TENM2: variants seen among roughly 807,000 people sequenced by gnomAD.
TENM2 encodes teneurin-2.
TENM2 carries 52 observed loss-of-function variants against 245.2 expected under a neutral mutation model. That is an observed-to-expected ratio of 0.21 (90% CI 0.17 to 0.27). The LOEUF (loss-of-function observed/expected upper bound fraction) is 0.27. Among genes scored for constraint, TENM2 ranks in the 10% least tolerant of loss-of-function variants. The pLI, the probability that TENM2 is intolerant of heterozygous loss-of-function variation, is 1.00. For missense variants in TENM2, 3,046 were observed against 3,666.8 expected (o/e 0.83, Z 4.37); for synonymous variants, 1,363 against 1,438.9 (o/e 0.95, Z 1.19).
intron 2 of TENM2, among the ~76,000 whole-genome samples, chr5:167,500,521 G>A (rs1056187498): frequency 2.0e-5 from 3 of 152,228 alleles, no homozygotes; most frequent in Middle Eastern, 6.8e-3. Context: ...GAACCAAGGT[G>A]ACCTAGATTA....
the TENM2 span, among the ~76,000 whole-genome samples, chr5:167,025,064 AG>A: frequency 6.6e-6 from 1 of 152,316 alleles, no homozygotes; most frequent in Non-Finnish European, 1.5e-5. Flanking sequence ...TCTAAGGTAC[AG>A]GTGATGTTGA....
At chr5:167,005,353 C>T in the TENM2 span, among the ~76,000 whole-genome samples, 10 of 152,134 alleles carry the variant, frequency 6.6e-5, no homozygotes, top group African/African-American at 2.4e-4. Flanking sequence ...CAAGGGAGTG[C>T]CACTTTTTGA....
At chr5:167,466,968 A>G (rs1766698578) in intron 2 of TENM2, among the ~76,000 whole-genome samples, 1 of 152,212 alleles carries the variant, frequency 6.6e-6, no homozygotes, top group African/African-American at 2.4e-5. Context: ...GGCATGCAGC[A>G]TACAACGAAA....
In TENM2 at chr5:167,629,156, C is replaced by T. The variant is rs150191103; in HGVS notation, c.503-246830C>T. ...ATAGCATATGTGTGGTAGAACAAGACGTTGAACCAGGTCAAAAGGTTTAGT... is the reference window on the plus strand; with the variant it reads ...ATAGCATATGTGTGGTAGAACAAGATGTTGAACCAGGTCAAAAGGTTTAGT... On this transcript the variant is annotated intron_variant, in intron 2 of 28. Coordinates refer to ENST00000518659, the Ensembl canonical transcript of TENM2. Among the ~76,000 whole-genome samples, 22 of 152,270 alleles carry T rather than the reference C, an allele frequency of 1.4e-4. No individual in the cohort carries two copies. The East Asian group carries it at 3.9e-3, about 27-fold the overall frequency.
chr5:167,479,829 A>G (rs1442713003), intron 2 of TENM2, among the ~76,000 whole-genome samples: 1 of 152,222 alleles, frequency 6.6e-6, no homozygotes, highest in East Asian at 1.9e-4. Flanking sequence ...GGTGAAATGC[A>G]AAATTTAAAG....
At chr5:167,276,352 T>TTGTGTGTGTG in the TENM2 span, among the ~76,000 whole-genome samples, 4 of 34,196 alleles carry the variant, frequency 1.2e-4, no homozygotes, top group Admixed American at 1.4e-3. Context: ...CCTGTTCATT[T>TTGTGTGTGTG]TGTGTGTGTG....
intron 2 of TENM2, among the ~76,000 whole-genome samples, chr5:167,393,875 G>T (rs1761907031): frequency 6.6e-6 from 1 of 152,150 alleles, no homozygotes; most frequent in African/African-American, 2.4e-5. Context: ...TATTTTGAAG[G>T]TAAAGGTAGG....
At chr5:167,459,820 A>G (rs1264522618) in intron 2 of TENM2, among the ~76,000 whole-genome samples, 1 of 152,148 alleles carries the variant, frequency 6.6e-6, no homozygotes, top group African/African-American at 2.4e-5. Context: ...AATTTCCTAA[A>G]TATTTGCTTA....
At position 168,181,992 on chromosome 5, in the gene TENM2, C is replaced by G. The variant is rs188540579; in HGVS notation, c.2570-8345C>G. ...GCACCCAGCCCAGTTTTACTTCTTGCAATATTTGAGAATGGCCGTTGCTCT... is the reference window on the plus strand; with the variant it reads ...GCACCCAGCCCAGTTTTACTTCTTGGAATATTTGAGAATGGCCGTTGCTCT... On this transcript the variant is annotated intron_variant, in intron 13 of 28. Transcript: ENST00000518659. Among the ~76,000 whole-genome samples, 18 of 152,198 alleles carry G rather than the reference C, an allele frequency of 1.2e-4. No homozygotes were observed. The East Asian group carries it at 3.5e-3, about 29-fold the overall frequency.
chr5:167,962,150 G>A (rs1781061433), intron 4 of TENM2, among the ~76,000 whole-genome samples: 1 of 152,114 alleles, frequency 6.6e-6, no homozygotes, highest in Non-Finnish European at 1.5e-5. Flanking sequence ...TTACTTTCTG[G>A]TCTAGAGTCC....
intron 20 of TENM2, among the ~76,000 whole-genome samples, chr5:168,214,536 G>A (rs1581652879): frequency 6.6e-6 from 1 of 152,204 alleles, no homozygotes; most frequent in African/African-American, 2.4e-5. Flanking sequence ...ATTGGGGGCG[G>A]TTATGGGGTG....
chr5:167,065,548 G>C, the TENM2 span, among the ~76,000 whole-genome samples: 1 of 152,102 alleles, frequency 6.6e-6, no homozygotes, highest in African/African-American at 2.4e-5. Flanking sequence ...GTGTGAGTGA[G>C]GGACAGAAAT....
chr5:167,124,462 C>G, the TENM2 span, among the ~76,000 whole-genome samples: 1 of 152,296 alleles, frequency 6.6e-6, no homozygotes, highest in Middle Eastern at 3.4e-3. Context: ...TAAAACCTTG[C>G]CCATTGTAGG....
intron 2 of TENM2, among the ~76,000 whole-genome samples, chr5:167,731,735 G>C (rs911964267): frequency 9.0e-5 from 9 of 100,440 alleles, no homozygotes; most frequent in African/African-American, 3.4e-4. Flanking sequence ...AAGGCTATTT[G>C]CTTGCCTCCA....
In TENM2 at chr5:168,225,997, C is replaced by CTCTT. The variant is rs145333769; in HGVS notation, c.5109-87_5109-84dup. 37,830 of 1,266,560 alleles carry CTCTT rather than the reference C, an allele frequency of 0.03. 4,474 individuals are homozygous for CTCTT. The East Asian group carries it at 0.4, about 13-fold the overall frequency. The allele number at this position is 1,266,560 out of a possible 1,614,324, so 78.5% of individuals were successfully genotyped here. A position where few individuals can be genotyped will look rare whatever the true frequency, so the allele number is the denominator to read the frequency against. ...CCACCCAGCCAACCCACCTTCCCAGCTCTTTCTCTGGCCCTGTGAGTCTTG... is the reference window on the plus strand; with the variant it reads ...CCACCCAGCCAACCCACCTTCCCAGCTCTTTCTTTCTCTGGCCCTGTGAGTCTTG... On this transcript the variant is annotated intron_variant, in intron 23 of 28. Coordinates refer to ENST00000518659, the Ensembl canonical transcript of TENM2.
chr5:167,409,461 T>C (rs1445065325), intron 2 of TENM2, among the ~76,000 whole-genome samples: 1 of 152,008 alleles, frequency 6.6e-6, no homozygotes, highest in Non-Finnish European at 1.5e-5. Context: ...AGGGAAGTAC[T>C]CATTCATCTA....
intron 2 of TENM2, among the ~76,000 whole-genome samples, chr5:167,723,957 A>C (rs1247486866): frequency 6.6e-6 from 1 of 152,250 alleles, no homozygotes; most frequent in Non-Finnish European, 1.5e-5. Context: ...GTGTTCAGAC[A>C]CACTGAGGTA....
intron 9 of TENM2, among the ~76,000 whole-genome samples, chr5:168,106,433 T>C (rs1362643838): frequency 1.3e-5 from 2 of 152,188 alleles, no homozygotes; most frequent in African/African-American, 2.4e-5. Context: ...TACATAATTA[T>C]GTCATTGAAT....
chr5:167,400,211 A>G (rs1762284228), intron 2 of TENM2, among the ~76,000 whole-genome samples: 1 of 152,116 alleles, frequency 6.6e-6, no homozygotes, highest in Non-Finnish European at 1.5e-5. Flanking sequence ...GAGGAATTAG[A>G]ATGCCAAGAG....
Sources: gnomAD v4.1 joint callset for allele counts (sites outside exome capture counted in the v4.1 genomes callset) on GRCh38, gnomAD v4.1.1 for gene constraint, MANE v1.5 for transcripts, NCBI Gene and HGNC (gene_info 2026-07-23, HGNC 2026-07-21) for gene names.